The following DNAH9 variants were observed in gnomAD, a reference collection of about 807,000 sequenced individuals.
DNAH9 encodes the protein dynein axonemal heavy chain 9.
A neutral mutation model predicts 471.6 loss-of-function variants in DNAH9; 345 were observed. That is an observed-to-expected ratio of 0.73 (90% CI 0.67 to 0.80). The LOEUF (loss-of-function observed/expected upper bound fraction) is 0.80, where lower values mean the gene tolerates loss of function less well. DNAH9 is among the 30% of genes least tolerant of loss of function. DNAH9 has a pLI of 0.00. For missense variants in DNAH9, 5,407 were observed against 5,609.2 expected (o/e 0.96, Z 1.15); for synonymous variants, 2,093 against 2,123.6 (o/e 0.99, Z 0.40).
At position 11,892,942 on chromosome 17, in the gene DNAH9, G is replaced by T. The variant is rs1005285351; in HGVS notation, c.11283+995G>T. On this transcript the variant is annotated intron_variant, in intron 58 of 68. Coordinates refer to ENST00000262442, the MANE Select transcript of DNAH9 (RefSeq NM_001372.4). This position sits in a 1 kb window ranked among gnomAD's most constrained non-coding sequence, Gnocchi z 4.3. The stretch of plus-strand genomic sequence containing the variant: ...ATTGGGAGCACAGACTAATTATCTC[G>T]AAGGCCCTTTCCTTGAATCTTCTGA... 1.3e-5 allele frequency among the ~76,000 whole-genome samples: 2 copies of T among 151,904 alleles called. No homozygotes were observed. The highest frequency in any genetic ancestry group is 2.9e-5 in the Non-Finnish European group (2 of 67,990).
chr17:11,944,612 C>T (rs1975050649), intron 67 of DNAH9, among the ~76,000 whole-genome samples: 1 of 152,160 alleles, frequency 6.6e-6, no homozygotes, highest in Admixed American at 6.5e-5. Context: ...TCTACTGGTC[C>T]CACTGCGAAA....
At chr17:11,836,513 T>C (rs1431874758) in intron 49 of DNAH9, among the ~76,000 whole-genome samples, 1 of 152,152 alleles carries the variant, frequency 6.6e-6, no homozygotes, top group Admixed American at 6.5e-5. Flanking sequence ...TATCATTGGG[T>C]AGGCCAGGAT....
At chr17:11,780,945 G>T in intron 38 of DNAH9, 64 bp from the exon 39 acceptor site, 2 of 1,521,132 alleles carry the variant, frequency 1.3e-6, no homozygotes, top group Non-Finnish European at 1.8e-6. Context: ...TGAAATCTTT[G>T]CTGTCTCAGT....
intron 26 of DNAH9, among the ~76,000 whole-genome samples, chr17:11,716,082 CTTTTTTT>C (rs61643065): frequency 1.1e-4 from 15 of 132,458 alleles, no homozygotes; most frequent in Non-Finnish European, 1.1e-4. Flanking sequence ...TTTTCTTTCT[CTTTTTTT>C]TTTTTTTTTT....
intron 63 of DNAH9, 152 bp from the exon 64 acceptor site, chr17:11,931,862 T>A: frequency 1.2e-6 from 1 of 817,722 alleles, no homozygotes; most frequent in Non-Finnish European, 2.0e-6. Flanking sequence ...CTTCCACACG[T>A]TCCCCCCAGG....
intron 14 of DNAH9, among the ~76,000 whole-genome samples, chr17:11,664,039 T>C (rs763390579): frequency 6.6e-6 from 1 of 152,198 alleles, no homozygotes; most frequent in Non-Finnish European, 1.5e-5. Flanking sequence ...TCTAGAAAAG[T>C]TACGTCTGCA....
At chr17:11,657,619 C>T (rs1315512661) in intron 14 of DNAH9, among the ~76,000 whole-genome samples, 1 of 151,960 alleles carries the variant, frequency 6.6e-6, no homozygotes, top group East Asian at 1.9e-4. Flanking sequence ...ACTATTTACT[C>T]CAAAGATTGC....
At chr17:11,803,218 C>T (rs567495362) in intron 43 of DNAH9, among the ~76,000 whole-genome samples, 7 of 152,318 alleles carry the variant, frequency 4.6e-5, no homozygotes, top group African/African-American at 1.2e-4. Context: ...TCTTTTCCCC[C>T]GCTTTTGGCA....
At chr17:11,648,635 G>A (rs991358622) in intron 12 of DNAH9, among the ~76,000 whole-genome samples, 1 of 151,958 alleles carries the variant, frequency 6.6e-6, no homozygotes, top group Non-Finnish European at 1.5e-5. Flanking sequence ...TAACACATAG[G>A]GCACACTTTA....
At chr17:11,919,552 G>C (rs955747698) in intron 61 of DNAH9, among the ~76,000 whole-genome samples, 2 of 151,270 alleles carry the variant, frequency 1.3e-5, no homozygotes, top group Admixed American at 1.3e-4. Flanking sequence ...TAATGACAGA[G>C]GGAAATGGGT....
intron 68 of DNAH9, 123 bp from the exon 69 acceptor site, chr17:11,969,177 G>A: frequency 2.6e-6 from 2 of 768,666 alleles, no homozygotes; most frequent in South Asian, 3.5e-5. Context: ...CTGGAAGGGG[G>A]CAGGCATAAA....
At chr17:11,870,941 G>A (rs1188827369) in intron 51 of DNAH9, among the ~76,000 whole-genome samples, 2 of 152,136 alleles carry the variant, frequency 1.3e-5, no homozygotes, top group Non-Finnish European at 2.9e-5. Context: ...AGACTGTGAC[G>A]TTCCATGATG....
At chr17:11,603,949 C>A (rs757632426) in intron 1 of DNAH9, among the ~76,000 whole-genome samples, 1 of 152,076 alleles carries the variant, frequency 6.6e-6, no homozygotes, top group Non-Finnish European at 1.5e-5. Context: ...CTTCTTTGGG[C>A]TCCAGGAACC....
chr17:11,788,051 ACTAT>A (rs1968933163), intron 41 of DNAH9, among the ~76,000 whole-genome samples: 1 of 152,134 alleles, frequency 6.6e-6, no homozygotes. Context: ...GCAACACATA[ACTAT>A]CTAAGATGGT....
At chr17:11,933,300 G>A (rs1974580749) in intron 64 of DNAH9, among the ~76,000 whole-genome samples, 1 of 152,148 alleles carries the variant, frequency 6.6e-6, no homozygotes, top group Non-Finnish European at 1.5e-5. Flanking sequence ...AAGCTTGAAA[G>A]AGGGAAGGCA....
Position 11,690,183 on chromosome 17 carries a change from A to G in DNAH9, c.4361A>G (p.His1454Arg), listed in dbSNP as rs748682638. 2 of 1,614,178 alleles carry G rather than the reference A, an allele frequency of 1.2e-6. No individual in the cohort carries two copies. The highest frequency in any genetic ancestry group is 3.3e-5 in the Admixed American group (2 of 60,016). The change falls in exon 20 of 69, where the codon CAC (histidine) becomes CGC (arginine). Residue 1454 changes from histidine (H) to arginine (R), a missense_variant. Transcript: ENST00000262442. ...WAGMEFQYEP[H>R]PRTNVPLLCS... ...GGCATGGAATTCCAGTATGAGCCCC[A>G]CCCACGGACCAATGTCCCCCTCCTG...
intron 62 of DNAH9, among the ~76,000 whole-genome samples, chr17:11,924,616 CTTTTTTTTTTTTT>C (rs756191140): frequency 2.2e-5 from 2 of 91,956 alleles, no homozygotes; most frequent in Non-Finnish European, 3.9e-5. Flanking sequence ...ACTACTAACT[CTTTTTTTTTTTTT>C]TTTTTTTTTT....
chr17:11,625,103 T>G (rs2072946338), intron 6 of DNAH9, among the ~76,000 whole-genome samples: 1 of 152,024 alleles, frequency 6.6e-6, no homozygotes, highest in Non-Finnish European at 1.5e-5. Flanking sequence ...CACACCGAGT[T>G]CATTTTTGCG....
Position 11,644,381 on chromosome 17 carries a change from C to T in DNAH9, c.1902-250C>T, listed in dbSNP as rs183768024. On this transcript the variant is annotated intron_variant, in intron 10 of 68. Coordinates refer to ENST00000262442, the MANE Select transcript of DNAH9 (RefSeq NM_001372.4). ...TGACTGGCTCAGCTAGGTGAGGGTG[C>T]TGGTGGAGCTGCGGGCAGGAAAGGT... 8.5e-5 allele frequency among the ~76,000 whole-genome samples: 13 copies of T among 152,176 alleles called. No individual in the cohort carries two copies. The East Asian group carries it at 2.5e-3, about 29-fold the overall frequency.
Sources: allele counts gnomAD v4.1 joint callset (sites outside exome capture counted in the v4.1 genomes callset), GRCh38; gene constraint gnomAD v4.1.1; non-coding constraint Gnocchi (gnomAD v3.1); transcripts MANE v1.5; gene names NCBI Gene and HGNC (gene_info 2026-07-23, HGNC 2026-07-21).